The following MAGI2 variants were observed in gnomAD, a reference collection of about 807,000 sequenced individuals.
MAGI2 encodes membrane associated guanylate kinase, WW and PDZ domain containing 2, also known as membrane-associated guanylate kinase, WW and PDZ domain-containing protein 2.
Under a neutral mutation model 133.3 loss-of-function variants are expected in MAGI2, and 35 were observed. That is an observed-to-expected ratio of 0.26 (90% confidence interval 0.20 to 0.35). The LOEUF (loss-of-function observed/expected upper bound fraction) is 0.35. Ranked by LOEUF, MAGI2 falls within the 10% of genes least tolerant of loss-of-function variation. The probability of loss-of-function intolerance (pLI) is 1.00; values close to 1 mark genes in which losing one functional copy is unlikely to be tolerated. For missense variants in MAGI2, 1,636 were observed against 1,863.4 expected, an observed-to-expected ratio of 0.88 and a Z score of 2.25; for synonymous variants, 729 against 710.6, an observed-to-expected ratio of 1.03 and a Z score of -0.41.
intron 3 of MAGI2, among the ~76,000 whole-genome samples, chr7:78,564,880 G>A (rs148382527): frequency 0.34 from 45,457 of 135,068 alleles, 8,667 homozygotes; most frequent in Middle Eastern, 0.5. Context: ...TGCAAGCTCC[G>A]CCTCCCGGGT....
intron 2 of MAGI2, among the ~76,000 whole-genome samples, chr7:78,707,485 A>T (rs1818771643): frequency 6.6e-6 from 1 of 152,104 alleles, no homozygotes; most frequent in South Asian, 2.1e-4. Context: ...TTCACACTTA[A>T]CACTCATTCT....
In MAGI2 at chr7:79,157,559, GAA is replaced by G. The variant is rs71095381; in HGVS notation, c.302-150355_302-150354del. On this transcript the variant is annotated intron_variant, in intron 1 of 21. Coordinates refer to ENST00000354212, the MANE Select transcript of MAGI2 (RefSeq NM_012301.4). ...GCCACATCTCAGATCCTCCTTTTAAGAAAAAAAAAAAAAAAGTAGGAAACAAA... is the reference window on the plus strand; with the variant it reads ...GCCACATCTCAGATCCTCCTTTTAAGAAAAAAAAAAAAAGTAGGAAACAAA... Among the ~76,000 whole-genome samples the G allele has an allele frequency of 4.1e-3, 567 of 138,292 alleles. 2 individuals carry two copies. Among genetic ancestry groups the G allele is most frequent in the Middle Eastern group, 7.5e-3 (2 of 266 alleles). The allele number at this position is 138,292 out of a possible 152,430, so 90.7% of individuals were successfully genotyped here.
rs1295731267 is a variant in MAGI2 at position 78,892,505 on chromosome 7, C to A, written c.418+114585G>T. Among the ~76,000 whole-genome samples, 3 of 152,078 alleles carry A rather than the reference C, an allele frequency of 2.0e-5. No individual in the cohort carries two copies. The East Asian group carries it at 5.8e-4, about 29-fold the overall frequency. On this transcript the variant is annotated intron_variant, in intron 2 of 21. Transcript: ENST00000354212. ...TACTACAAGGCTACAGTAACCAAAA[C>A]AGCATGGTACTGGTACCAAAACAGA...
chr7:78,523,980 C>T (rs1796731298), intron 3 of MAGI2, among the ~76,000 whole-genome samples: 1 of 151,996 alleles, frequency 6.6e-6, no homozygotes, highest in Non-Finnish European at 1.5e-5. Context: ...AGGGACAACC[C>T]ACAGTGCAAA....
chr7:79,070,681 C>T (rs142255742), intron 1 of MAGI2, among the ~76,000 whole-genome samples: 4,018 of 151,540 alleles, frequency 0.027, 68 homozygotes, highest in Non-Finnish European at 0.042. Context: ...TTAGTAGAGA[C>T]GGGGTTTCAC....
chr7:78,157,220 C>A (rs1268678025), intron 16 of MAGI2, among the ~76,000 whole-genome samples: 1 of 152,160 alleles, frequency 6.6e-6, no homozygotes, highest in Non-Finnish European at 1.5e-5. Flanking sequence ...GAGCACGGGG[C>A]AACTTGCATT....
chr7:79,310,723 G>T (rs1361225108), intron 1 of MAGI2, among the ~76,000 whole-genome samples: 1 of 152,066 alleles, frequency 6.6e-6, no homozygotes, highest in African/African-American at 2.4e-5. Context: ...CTATTCATTT[G>T]TACCTGTGAC....
At chr7:79,213,466 G>T (rs767014895) in intron 1 of MAGI2, among the ~76,000 whole-genome samples, 2 of 152,002 alleles carry the variant, frequency 1.3e-5, no homozygotes, top group Non-Finnish European at 2.9e-5. Context: ...GTGCACCTAC[G>T]TGCCTGGCTC....
chr7:79,376,031 T>C (rs117567677), intron 1 of MAGI2, among the ~76,000 whole-genome samples: 2,477 of 151,926 alleles, frequency 0.016, 29 homozygotes, highest in Admixed American at 0.031. Flanking sequence ...AGGAAAAACC[T>C]TTTTTCATTT....
intron 3 of MAGI2, among the ~76,000 whole-genome samples, chr7:78,606,266 C>T (rs1264527073): frequency 1.3e-5 from 2 of 152,056 alleles, no homozygotes; most frequent in Non-Finnish European, 2.9e-5. Context: ...GACCTAAGAA[C>T]TAGGTCTGAG....
chr7:78,885,853 GTCCAGCACATAAA>G (rs1222226116), intron 2 of MAGI2, among the ~76,000 whole-genome samples: 1 of 152,100 alleles, frequency 6.6e-6, no homozygotes, highest in African/African-American at 2.4e-5. Context: ...CTAGTTCTAA[GTCCAGCACATAAA>G]ACCTTTACCA....
intron 1 of MAGI2, among the ~76,000 whole-genome samples, chr7:79,220,134 C>A (rs537417961): frequency 6.6e-6 from 1 of 152,046 alleles, no homozygotes; most frequent in East Asian, 1.9e-4. Context: ...AAAGCTAAAC[C>A]AACATATTTA....
intron 9 of MAGI2, among the ~76,000 whole-genome samples, chr7:78,305,676 G>A (rs933125771): frequency 6.6e-6 from 1 of 152,130 alleles, no homozygotes; most frequent in Admixed American, 6.6e-5. Context: ...GAATCCTCTA[G>A]AAGGGCAACT....
chr7:78,990,813 C>A (rs575463285), intron 2 of MAGI2, among the ~76,000 whole-genome samples: 1 of 151,646 alleles, frequency 6.6e-6, no homozygotes, highest in South Asian at 2.1e-4. Context: ...TAACCTTGAA[C>A]TAAACGTAAG....
intron 6 of MAGI2, among the ~76,000 whole-genome samples, chr7:78,370,524 A>G (rs1235765815): frequency 6.6e-6 from 1 of 151,974 alleles, no homozygotes; most frequent in Non-Finnish European, 1.5e-5. Flanking sequence ...TAGTATGGAA[A>G]AATTCCTAGA....
chr7:78,962,035 C>G (rs1443202094), intron 2 of MAGI2, among the ~76,000 whole-genome samples: 1 of 151,904 alleles, frequency 6.6e-6, no homozygotes, highest in Non-Finnish European at 1.5e-5. Context: ...AGAAAAGGCA[C>G]AGTAAAAATA....
At chr7:79,431,326 A>G (rs1847764353) in intron 1 of MAGI2, among the ~76,000 whole-genome samples, 1 of 152,192 alleles carries the variant, frequency 6.6e-6, no homozygotes, top group Non-Finnish European at 1.5e-5. Context: ...AAGACTAACA[A>G]TTTCCTAGGG....
At chr7:78,392,436 A>G (rs1795979262) in intron 6 of MAGI2, among the ~76,000 whole-genome samples, 1 of 152,126 alleles carries the variant, frequency 6.6e-6, no homozygotes, top group Non-Finnish European at 1.5e-5. Context: ...TTTTAAGATA[A>G]CTATCCTAGT....
At chr7:78,277,315 T>G (rs2151001794) in intron 9 of MAGI2, among the ~76,000 whole-genome samples, 1 of 152,280 alleles carries the variant, frequency 6.6e-6, no homozygotes, top group Middle Eastern at 3.4e-3. Context: ...AAATAACCAG[T>G]GATCACAAAA....
Sources: gnomAD v4.1 joint callset for allele counts (sites outside exome capture counted in the v4.1 genomes callset) on GRCh38, gnomAD v4.1.1 for gene constraint, MANE v1.5 for transcripts, NCBI Gene and HGNC (gene_info 2026-07-23, HGNC 2026-07-21) for gene names.